PALS1: variants seen among roughly 807,000 people sequenced by gnomAD.
PALS1 encodes protein PALS1.
Under a neutral mutation model 78.9 loss-of-function variants are expected in PALS1, and 31 were observed. The ratio of observed to expected loss-of-function variants is 0.39; its 90% confidence interval spans 0.30 to 0.53. The LOEUF is 0.53. Among genes scored for constraint, PALS1 ranks in the 20% least tolerant of loss-of-function variants. The pLI is 0.67. For missense variants in PALS1, 704 were observed against 826.5 expected (o/e 0.85, Z 1.82); for synonymous variants, 276 against 270.9 (o/e 1.02, Z -0.18).
chr14:67,280,228 C>G (rs2084582926), intron 3 of PALS1, among the ~76,000 whole-genome samples: 1 of 152,186 alleles, frequency 6.6e-6, no homozygotes, highest in Non-Finnish European at 1.5e-5. Context: ...ATATCAAATG[C>G]ATGTTTCCAA....
At chr14:67,296,882 T>C (rs1375232776) in intron 4 of PALS1, among the ~76,000 whole-genome samples, 1 of 152,096 alleles carries the variant, frequency 6.6e-6, no homozygotes, top group Non-Finnish European at 1.5e-5. Context: ...CTCAAACTCT[T>C]GGGCTCAAAC....
chr14:67,289,285 A>C (rs2084735761), intron 3 of PALS1, among the ~76,000 whole-genome samples: 1 of 152,104 alleles, frequency 6.6e-6, no homozygotes, highest in South Asian at 2.1e-4. Context: ...TTTAAGTCTT[A>C]TAAGTCTTTA....
intron 14 of PALS1, among the ~76,000 whole-genome samples, chr14:67,328,142 C>T (rs1214735903): frequency 2.0e-5 from 3 of 152,184 alleles, no homozygotes; most frequent in Non-Finnish European, 4.4e-5. Context: ...TCTCCAGCAC[C>T]TGTTGTTTCC....
At chr14:67,302,772 A>G (rs944407843) in intron 7 of PALS1, among the ~76,000 whole-genome samples, 1 of 152,176 alleles carries the variant, frequency 6.6e-6, no homozygotes, top group African/African-American at 2.4e-5. Flanking sequence ...TTTCTGATGT[A>G]TCACTATCAC....
chr14:67,308,408 A>T (rs2085040124), intron 8 of PALS1, among the ~76,000 whole-genome samples: 2 of 151,782 alleles, frequency 1.3e-5, no homozygotes, highest in Admixed American at 1.3e-4. Context: ...CCATTAAGCT[A>T]ATCCCAAAGT....
chr14:67,304,946 A>G (rs944003077), intron 8 of PALS1, among the ~76,000 whole-genome samples: 2 of 152,220 alleles, frequency 1.3e-5, no homozygotes, highest in African/African-American at 4.8e-5. Flanking sequence ...GGTATGCTTT[A>G]TAGTTTGGCT....
intron 12 of PALS1, among the ~76,000 whole-genome samples, chr14:67,320,814 G>C (rs2085252797): frequency 6.6e-6 from 1 of 152,122 alleles, no homozygotes; most frequent in Non-Finnish European, 1.5e-5. Context: ...GTAACTTGAA[G>C]TGTAAGCATA....
chr14:67,262,824 A>G (rs917182371), intron 1 of PALS1, among the ~76,000 whole-genome samples: 3 of 152,164 alleles, frequency 2.0e-5, no homozygotes, highest in Admixed American at 2.0e-4. Flanking sequence ...TTATTCTCCA[A>G]CTAGGCCATA....
At position 67,256,797 on chromosome 14, in the gene PALS1, G is replaced by GACACACACACACACACACAC. The variant is rs10654145; in HGVS notation, c.-236-12896_-236-12877dup. On this transcript the variant is annotated intron_variant, in intron 1 of 14. Transcript: ENST00000261681. ...AGGACGAAGTGTTCCAGAAACTATT[G>GACACACACACACACACACAC]ACACACACACACACACACACACACA... Among the ~76,000 whole-genome samples the GACACACACACACACACACAC allele has an allele frequency of 2.7e-3, 400 of 147,778 alleles. 1 individual carries two copies. The highest frequency in any genetic ancestry group is 0.011 in the Middle Eastern group (3 of 284).
intron 3 of PALS1, among the ~76,000 whole-genome samples, chr14:67,289,117 C>T (rs993013759): frequency 6.9e-6 from 1 of 145,798 alleles, no homozygotes; most frequent in Non-Finnish European, 1.5e-5. Flanking sequence ...CAGGAGCACA[C>T]CGCCATAACT....
chr14:67,335,263 CTG>C lies in PALS1; in HGVS notation c.*2308_*2309del, dbSNP rs1208259824. 6.6e-6 allele frequency: 1 copy of C among 152,184 alleles called. No individual in the cohort carries two copies. The highest frequency in any genetic ancestry group is 1.5e-5 in the Non-Finnish European group (1 of 68,038). The allele number at this position is 152,184 out of a possible 1,614,324, so 9.4% of individuals were successfully genotyped here. On this transcript the variant is annotated 3_prime_UTR_variant, in exon 15 of 15. Transcript: ENST00000261681. ...TTCAACATAGTCCTTAAAGTGAAAA[CTG>C]AGTTGTTGCTGACCTCCACAAAAGA... is the stretch of plus-strand genomic sequence containing the variant.
In PALS1 at chr14:67,302,029, A is replaced by T. The variant is rs2084938440; in HGVS notation, c.712A>T (p.Thr238Ser). Reference protein sequence around the residue: ...AEQEMQLEPITDERVYESIGQ... With the variant: ...AEQEMQLEPISDERVYESIGQ... ...GCAGGAAATGCAGCTAGAGCCCATTACAGATGAGAGAGTTTATGAAAGTAT... is the reference window on the plus strand; with the variant it reads ...GCAGGAAATGCAGCTAGAGCCCATTTCAGATGAGAGAGTTTATGAAAGTAT... Residue 238 changes from threonine (T) to serine (S), a missense_variant, in exon 6 of 15, where the codon ACA (threonine) becomes TCA (serine). Physicochemically the swap from Thr to Ser is moderately conservative, Grantham distance 58. Transcript: ENST00000261681. 3 of 1,611,764 alleles carry T rather than the reference A, an allele frequency of 1.9e-6. No individual in the cohort carries two copies. The highest frequency in any genetic ancestry group is 2.5e-6 in the Non-Finnish European group (3 of 1,178,886).
rs147088327 is a variant in PALS1, at chr14:67,276,240, C to G, written c.-153-2778C>G. 3.3e-5 allele frequency among the ~76,000 whole-genome samples: 5 copies of G among 152,228 alleles called. No individual in the cohort carries two copies. In the East Asian group the frequency reaches 9.7e-4, roughly 29 times the overall value. On this transcript the variant is annotated intron_variant, in intron 2 of 14. Transcript: ENST00000261681. ...CTTCTCAGTGTGGCTTCCTGCTTGT[C>G]TTTCCAGTTTTATCATTATTCATGT...
chr14:67,281,351 T>C (rs1323520608), intron 3 of PALS1, among the ~76,000 whole-genome samples: 1 of 152,220 alleles, frequency 6.6e-6, no homozygotes, highest in Non-Finnish European at 1.5e-5. Context: ...AATTCCTGCC[T>C]TCAGACATTT....
At position 67,254,032 on chromosome 14, in the gene PALS1, C is replaced by CA. The variant is rs1395623950; in HGVS notation, c.-237+12499_-237+12500insA. ...TTTTGGGCCTTATATTCATCCCCCCCCCCTTACAAGTTTTCTTAGGATGCT... is the reference window on the plus strand; with the variant it reads ...TTTTGGGCCTTATATTCATCCCCCCCACCCTTACAAGTTTTCTTAGGATGCT... On this transcript the variant is annotated intron_variant, in intron 1 of 14. Coordinates refer to ENST00000261681, the MANE Select transcript of PALS1 (RefSeq NM_022474.4). Among the ~76,000 whole-genome samples, 3 of 142,538 alleles carry CA rather than the reference C, an allele frequency of 2.1e-5. No homozygotes were observed. In the South Asian group the frequency reaches 7.1e-4, roughly 34 times the overall value. 93.5% of individuals were successfully genotyped at this position (142,538 alleles called of 152,430 possible).
chr14:67,289,675 G>A (rs2084743009), intron 3 of PALS1, among the ~76,000 whole-genome samples: 1 of 151,780 alleles, frequency 6.6e-6, no homozygotes, highest in African/African-American at 2.4e-5. Flanking sequence ...TCAAATTGTG[G>A]GATACAAGAT....
intron 2 of PALS1, among the ~76,000 whole-genome samples, chr14:67,278,341 CTTTT>C (rs551435645): frequency 7.2e-6 from 1 of 138,242 alleles, no homozygotes; most frequent in African/African-American, 2.6e-5. Flanking sequence ...CGGCCCAATT[CTTTT>C]TTTTTTTTTT....
intron 4 of PALS1, among the ~76,000 whole-genome samples, chr14:67,299,818 AATTATT>A (rs1194162926): frequency 1.3e-5 from 2 of 152,156 alleles, no homozygotes. Flanking sequence ...TAATACGGAA[AATTATT>A]ATTGAGCTGA....
chr14:67,248,290 G>T (rs1362137444), intron 1 of PALS1, among the ~76,000 whole-genome samples: 1 of 152,072 alleles, frequency 6.6e-6, no homozygotes, highest in African/African-American at 2.4e-5. Context: ...GGAGGCTGAG[G>T]TGGGAGGGTC....
Sources: gnomAD v4.1 joint callset for allele counts (sites outside exome capture counted in the v4.1 genomes callset) on GRCh38, gnomAD v4.1.1 for gene constraint, MANE v1.5 for transcripts, NCBI Gene and HGNC (gene_info 2026-07-23, HGNC 2026-07-21) for gene names.